Variants in CPNE4 observed in about 807,000 individuals in gnomAD.
CPNE4 encodes the protein copine-4.
A neutral mutation model predicts 67.9 loss-of-function variants in CPNE4; 25 were observed. The ratio of observed to expected loss-of-function variants is 0.37; its 90% CI spans 0.27 to 0.51. The LOEUF (loss-of-function observed/expected upper bound fraction) is 0.51. Ranked by LOEUF, CPNE4 falls within the 20% of genes least tolerant of loss-of-function variation. CPNE4 has a pLI of 0.93. For missense variants in CPNE4, 464 were observed against 690.8 expected (o/e 0.67, Z 3.68); for synonymous variants, 242 against 244.9 (o/e 0.99, Z 0.11).
chr3:131,765,173 C>T (rs1332889706), intron 2 of CPNE4, among the ~76,000 whole-genome samples: 1 of 152,080 alleles, frequency 6.6e-6, no homozygotes, highest in Non-Finnish European at 1.5e-5. Flanking sequence ...AGGCTTCCTT[C>T]CTGTTTGGGA....
chr3:131,581,785 G>A (rs1559934799), intron 8 of CPNE4, 120 bp from the exon 9 acceptor site: 1 of 712,390 alleles, frequency 1.4e-6, no homozygotes, highest in Non-Finnish European at 2.5e-6. Context: ...ATAGTCTCTA[G>A]GTGGTAACTC....
At position 131,673,170 on chromosome 3, in the gene CPNE4, G is replaced by T. The variant is rs561896342; in HGVS notation, c.592-3406C>A. ...ATGCATGTGTATGAATTTGTTTCTG[G>T]GTTCTCTATTCTGTTCCATGGGTTT... On this transcript the variant is annotated intron_variant, in intron 6 of 15. Coordinates refer to ENST00000429747, the MANE Select transcript of CPNE4 (RefSeq NM_130808.3). Among the ~76,000 whole-genome samples, 55 of 151,962 alleles carry T rather than the reference G, an allele frequency of 3.6e-4. 1 individual carries two copies. The South Asian group carries it at 7.7e-3, about 21-fold the overall frequency.
At chr3:131,697,953 C>T (rs6766826) in intron 4 of CPNE4, among the ~76,000 whole-genome samples, 20,865 of 151,966 alleles carry the variant, frequency 0.14, 1,655 homozygotes, top group African/African-American at 0.2. Context: ...TTAAATGGGG[C>T]CAGGGGCAGT....
At chr3:131,810,555 G>A (rs1305843784) in intron 2 of CPNE4, among the ~76,000 whole-genome samples, 6 of 152,050 alleles carry the variant, frequency 3.9e-5, no homozygotes, top group African/African-American at 1.2e-4. Context: ...TGAGGATTTG[G>A]CAGAAAGGGA....
chr3:131,783,051 ATCT>A (rs2083467003), intron 2 of CPNE4, among the ~76,000 whole-genome samples: 1 of 152,106 alleles, frequency 6.6e-6, no homozygotes. Context: ...AGCTCCAGCC[ATCT>A]TCAATGATGG....
At chr3:132,033,197 A>G (rs1482133061) in intron 1 of CPNE4, among the ~76,000 whole-genome samples, 1 of 152,266 alleles carries the variant, frequency 6.6e-6, no homozygotes, top group African/African-American at 2.4e-5. Flanking sequence ...ATATTAAAGT[A>G]TCTTGGACAG....
At chr3:131,784,868 G>A (rs754405981) in intron 2 of CPNE4, among the ~76,000 whole-genome samples, 6 of 152,042 alleles carry the variant, frequency 3.9e-5, no homozygotes, top group Non-Finnish European at 8.8e-5. Context: ...ATTAAAAAAT[G>A]GAATTATTGC....
At chr3:131,930,907 C>T (rs559721771) in intron 1 of CPNE4, among the ~76,000 whole-genome samples, 2 of 152,090 alleles carry the variant, frequency 1.3e-5, no homozygotes, top group African/African-American at 2.4e-5. Flanking sequence ...CCTCTCTTCA[C>T]ATGCCTGCGC....
intron 2 of CPNE4, among the ~76,000 whole-genome samples, chr3:131,875,599 C>T (rs943171970): frequency 7.9e-5 from 12 of 151,530 alleles, no homozygotes; most frequent in Non-Finnish European, 1.5e-4. Flanking sequence ...CCAAACACCG[C>T]ATGTTCTCAC....
intron 7 of CPNE4, among the ~76,000 whole-genome samples, chr3:131,621,418 CT>C (rs547544413): frequency 6.6e-6 from 1 of 151,708 alleles, no homozygotes; most frequent in Non-Finnish European, 1.5e-5. Context: ...CTAATTAAAA[CT>C]TTTTTTTGTA....
intron 2 of CPNE4, among the ~76,000 whole-genome samples, chr3:131,739,571 T>C (rs1201410019): frequency 6.6e-6 from 1 of 152,232 alleles, no homozygotes; most frequent in Non-Finnish European, 1.5e-5. Flanking sequence ...AATGTGACTA[T>C]AGGAAAGTAG....
At chr3:132,001,607 GAAAGA>G (rs2073450911) in intron 1 of CPNE4, among the ~76,000 whole-genome samples, 1 of 147,518 alleles carries the variant, frequency 6.8e-6, no homozygotes, top group Non-Finnish European at 1.5e-5. Flanking sequence ...AAGAAAGAAA[GAAAGA>G]AAGAAAATGA....
chr3:132,028,766 C>G (rs975522828), intron 1 of CPNE4, among the ~76,000 whole-genome samples: 1 of 151,780 alleles, frequency 6.6e-6, no homozygotes, highest in African/African-American at 2.4e-5. Context: ...TAAAATGTGG[C>G]AAATCTGAAT....
intron 6 of CPNE4, among the ~76,000 whole-genome samples, chr3:131,683,186 G>C (rs900622374): frequency 2.6e-5 from 4 of 152,096 alleles, no homozygotes; most frequent in Non-Finnish European, 4.4e-5. Context: ...ACTTGTCCCT[G>C]TCCTTTGCTC....
rs1415899493 is a variant in CPNE4 at position 131,579,147 on chromosome 3, C to T, written c.867+2432G>A. ...GCAGCTGGTGACTTTAAGTGGAAGCCAATGTTCATTTACCATTTCAAAAAT... is the reference window on the plus strand; with the variant it reads ...GCAGCTGGTGACTTTAAGTGGAAGCTAATGTTCATTTACCATTTCAAAAAT... On this transcript the variant is annotated intron_variant, in intron 9 of 15. Coordinates refer to ENST00000429747, the MANE Select transcript of CPNE4 (RefSeq NM_130808.3). Among the ~76,000 whole-genome samples, 8 of 152,228 alleles carry T rather than the reference C, an allele frequency of 5.3e-5. No homozygotes were observed. In the South Asian group the frequency reaches 1.2e-3, roughly 24 times the overall value.
At chr3:131,922,362 G>C (rs560945798) in intron 1 of CPNE4, among the ~76,000 whole-genome samples, 114 of 152,286 alleles carry the variant, frequency 7.5e-4, no homozygotes, top group African/African-American at 2.6e-3. Flanking sequence ...TCGCTATTGT[G>C]AAGAACACAA....
At chr3:131,987,789 A>C (rs2073090914) in intron 1 of CPNE4, among the ~76,000 whole-genome samples, 1 of 152,192 alleles carries the variant, frequency 6.6e-6, no homozygotes. Context: ...CTAGATTTCT[A>C]ACACGTTCCC....
At chr3:131,814,584 T>A (rs2084660464) in intron 2 of CPNE4, among the ~76,000 whole-genome samples, 1 of 10,258 alleles carries the variant, frequency 9.7e-5, no homozygotes, top group African/African-American at 5.0e-4. Flanking sequence ...TTTTTTTTTT[T>A]TTTTTTTTTT....
intron 5 of CPNE4, among the ~76,000 whole-genome samples, chr3:131,695,048 A>G (rs532482520): frequency 5.3e-5 from 8 of 152,140 alleles, no homozygotes; most frequent in Non-Finnish European, 1.2e-4. Context: ...TCATTTCCTG[A>G]AGAGGTTGTG....
Sources: gnomAD v4.1 joint callset for allele counts (sites outside exome capture counted in the v4.1 genomes callset) on GRCh38, gnomAD v4.1.1 for gene constraint, MANE v1.5 for transcripts, NCBI Gene and HGNC (gene_info 2026-07-23, HGNC 2026-07-21) for gene names.